The following CYP20A1 variants were observed in gnomAD, a reference collection of about 807,000 sequenced individuals.
CYP20A1 encodes cytochrome P450 family 20 subfamily A member 1, also known as cytochrome P450 20A1.
A neutral mutation model predicts 61.4 loss-of-function variants in CYP20A1; 61 were observed. That is an observed-to-expected ratio of 0.99 (90% CI 0.81 to 1.23). CYP20A1 has a LOEUF of 1.23. Among genes scored for constraint, CYP20A1 ranks in the 50% most tolerant of loss-of-function variants. CYP20A1 has a pLI of 0.00. For synonymous variants in CYP20A1, 193 were observed against 188.2 expected, an observed-to-expected ratio of 1.03 and a Z score of -0.21; for missense variants, 530 against 542.4, an observed-to-expected ratio of 0.98 and a Z score of 0.23.
rs1175333008 is a variant in CYP20A1, at chr2:203,239,019, C to G, written c.-44C>G. 8.3e-6 allele frequency: 13 copies of G among 1,574,866 alleles called. No homozygotes were observed. Among genetic ancestry groups the G allele is most frequent in the Admixed American group, 6.7e-5 (4 of 59,910 alleles). On this transcript the variant is annotated 5_prime_UTR_variant, in exon 1 of 13. Transcript: ENST00000356079. ...ATTGGGCCAGGCTGAGGCGCTGCTG[C>G]TGGAGCGGCCGATCCGAGACGTGGC...
chr2:203,270,410 C>T (rs2067516538), intron 5 of CYP20A1, among the ~76,000 whole-genome samples: 1 of 151,916 alleles, frequency 6.6e-6, no homozygotes, highest in Admixed American at 6.6e-5. Flanking sequence ...AACTTTTGGG[C>T]TCAGGGGATC....
At position 203,296,928 on chromosome 2, in the gene CYP20A1, C is replaced by T. The variant is rs1004216788; in HGVS notation, c.*20C>T. Reference sequence around the variant, plus strand: ...TATTAAAATTTTATACATTTAAAATCATTGTTAAATTGATTGAGGAAAACA... The same window carrying T: ...TATTAAAATTTTATACATTTAAAATTATTGTTAAATTGATTGAGGAAAACA... On this transcript the variant is annotated 3_prime_UTR_variant, in exon 13 of 13. Transcript: ENST00000356079. 3 of 1,375,980 alleles carry T rather than the reference C, an allele frequency of 2.2e-6. No homozygotes were observed. The highest frequency in any genetic ancestry group is 1.5e-5 in the African/African-American group (1 of 67,114). 85.2% of individuals were successfully genotyped at this position (1,375,980 alleles called of 1,614,324 possible).
intron 3 of CYP20A1, among the ~76,000 whole-genome samples, chr2:203,251,063 C>CAAAAA (rs35304069): frequency 6.0e-5 from 3 of 50,262 alleles, no homozygotes; most frequent in Non-Finnish European, 1.0e-4. Context: ...GATTCTGTCT[C>CAAAAA]AAAAAAAAAA....
chr2:203,280,414 A>G (rs1332912884), intron 8 of CYP20A1, among the ~76,000 whole-genome samples: 6 of 152,218 alleles, frequency 3.9e-5, no homozygotes, highest in Non-Finnish European at 8.8e-5. Context: ...TCTCAAAAAA[A>G]ACAAGGCCAG....
At chr2:203,253,620 A>G (rs1575181625) in intron 4 of CYP20A1, among the ~76,000 whole-genome samples, 1 of 152,356 alleles carries the variant, frequency 6.6e-6, no homozygotes, top group South Asian at 2.1e-4. Context: ...GCAGTTAATC[A>G]TACAGTGACA....
chr2:203,295,331 T>C (rs2068744862), intron 11 of CYP20A1, among the ~76,000 whole-genome samples: 1 of 152,058 alleles, frequency 6.6e-6, no homozygotes, highest in Admixed American at 6.6e-5. Context: ...CACCTTGGCG[T>C]CACAAAGTGC....
intron 10 of CYP20A1, among the ~76,000 whole-genome samples, chr2:203,291,947 C>G (rs1296366292): frequency 1.3e-5 from 2 of 151,962 alleles, no homozygotes; most frequent in East Asian, 3.9e-4. Context: ...TTTGTCCTTG[C>G]GATAGTTTGC....
At chr2:203,247,783 G>T (rs1345646827) in intron 3 of CYP20A1, among the ~76,000 whole-genome samples, 5 of 152,090 alleles carry the variant, frequency 3.3e-5, no homozygotes, top group Non-Finnish European at 7.4e-5. Flanking sequence ...CTTGAACCTG[G>T]GAGGCAGAGG....
chr2:203,248,917 C>T (rs1218761679), intron 3 of CYP20A1, among the ~76,000 whole-genome samples: 3 of 152,132 alleles, frequency 2.0e-5, no homozygotes, highest in African/African-American at 7.2e-5. Flanking sequence ...TGCTACGTTG[C>T]CCAGGCTGGC....
At chr2:203,244,808 C>T (rs1161156945) in intron 1 of CYP20A1, among the ~76,000 whole-genome samples, 3 of 149,386 alleles carry the variant, frequency 2.0e-5, no homozygotes, top group Non-Finnish European at 3.0e-5. Context: ...TCTAGGCTCA[C>T]TGCAAGCTCC....
intron 6 of CYP20A1, among the ~76,000 whole-genome samples, chr2:203,274,507 C>T (rs1016046101): frequency 6.6e-5 from 10 of 152,186 alleles, no homozygotes; most frequent in South Asian, 2.1e-4. Context: ...TCTAAGCTAC[C>T]TCAATTCATT....
At chr2:203,251,457 C>G (rs573984197) in intron 3 of CYP20A1, among the ~76,000 whole-genome samples, 1 of 151,900 alleles carries the variant, frequency 6.6e-6, no homozygotes, top group Admixed American at 6.6e-5. Context: ...TTTTCACTGA[C>G]TCTTAAATTG....
chr2:203,260,469 G>C (rs191989120), intron 4 of CYP20A1, among the ~76,000 whole-genome samples: 4 of 152,112 alleles, frequency 2.6e-5, no homozygotes, highest in African/African-American at 9.6e-5. Flanking sequence ...TGATCCATCC[G>C]CTTCGGCCTC....
chr2:203,260,626 C>G (rs1467927054), intron 4 of CYP20A1, among the ~76,000 whole-genome samples: 1 of 152,170 alleles, frequency 6.6e-6, no homozygotes, highest in Non-Finnish European at 1.5e-5. Flanking sequence ...TCAAGTGATC[C>G]TCCAGCCTCA....
chr2:203,245,754 C>A, intron 1 of CYP20A1, 92 bp from the exon 2 acceptor site: 1 of 614,904 alleles, frequency 1.6e-6, no homozygotes, highest in Non-Finnish European at 2.8e-6. Context: ...AATTGGAAAG[C>A]TATTATTTAA....
chr2:203,266,818 T>C (rs918878939), intron 5 of CYP20A1, 137 bp downstream of exon 5: 1 of 691,962 alleles, frequency 1.4e-6, no homozygotes, highest in African/African-American at 1.8e-5. Context: ...GTGTCTCTAC[T>C]AAAAATACAA....
At chr2:203,258,319 G>T (rs1022171738) in intron 4 of CYP20A1, among the ~76,000 whole-genome samples, 5 of 149,502 alleles carry the variant, frequency 3.3e-5, no homozygotes, top group Non-Finnish European at 7.4e-5. Flanking sequence ...CAAGGGTATT[G>T]TGAGTGATAA....
intron 11 of CYP20A1, among the ~76,000 whole-genome samples, chr2:203,295,859 G>T (rs1210282315): frequency 6.6e-6 from 1 of 152,086 alleles, no homozygotes; most frequent in African/African-American, 2.4e-5. Context: ...TGAGACAGGA[G>T]AATTGCTTGA....
Position 203,303,874 on chromosome 2 carries a change from C to CAAAA in CYP20A1, c.*6983_*6986dup, listed in dbSNP as rs34951226. Among the ~76,000 whole-genome samples the CAAAA allele has an allele frequency of 1.1e-5, 1 of 89,252 alleles. No homozygotes were observed. The highest frequency in any genetic ancestry group is 2.1e-5 in the Non-Finnish European group (1 of 47,364). 58.6% of individuals were successfully genotyped at this position (89,252 alleles called of 152,430 possible). A position where few individuals can be genotyped will look rare whatever the true frequency, so the allele number is the denominator to read the frequency against. On this transcript the variant is annotated 3_prime_UTR_variant, in exon 13 of 13. Coordinates refer to ENST00000356079, the MANE Select transcript of CYP20A1 (RefSeq NM_177538.3). ...CTTAGGCAATAAAACAAGACTGTCTCAAAAAAAAAAAAAAAAAAAACTTAT... is the reference window on the plus strand; with the variant it reads ...CTTAGGCAATAAAACAAGACTGTCTCAAAAAAAAAAAAAAAAAAAAAAAACTTAT...
Sources: allele counts gnomAD v4.1 joint callset (sites outside exome capture counted in the v4.1 genomes callset), GRCh38; gene constraint gnomAD v4.1.1; transcripts MANE v1.5; gene names NCBI Gene and HGNC (gene_info 2026-07-23, HGNC 2026-07-21).